Variants in TSC22D1 observed in about 807,000 individuals in gnomAD.
TSC22D1 encodes the protein TSC22 domain family protein 1.
A neutral mutation model predicts 74.2 loss-of-function variants in TSC22D1; 9 were observed. That is an observed-to-expected ratio of 0.12 (90% confidence interval 0.07 to 0.21). The LOEUF (loss-of-function observed/expected upper bound fraction) is 0.21, where lower values mean the gene tolerates loss of function less well. Ranked by LOEUF, TSC22D1 falls within the 10% of genes least tolerant of loss-of-function variation. The pLI, the probability that TSC22D1 is intolerant of heterozygous loss-of-function variation, is 1.00. For synonymous variants in TSC22D1, 586 were observed against 492.5 expected (o/e 1.19, Z -2.51); for missense variants, 1,427 against 1,304.7 (o/e 1.09, Z -1.44).
chr13:44,545,489 T>C (rs746357446), intron 1 of TSC22D1, among the ~76,000 whole-genome samples: 2 of 152,068 alleles, frequency 1.3e-5, no homozygotes, highest in African/African-American at 4.8e-5. Context: ...CCATTACTTT[T>C]ACCTCGCTAG....
intron 1 of TSC22D1, among the ~76,000 whole-genome samples, chr13:44,533,776 C>G (rs1169271897): frequency 2.6e-5 from 4 of 152,106 alleles, no homozygotes; most frequent in Non-Finnish European, 2.9e-5. Flanking sequence ...GAGCGAGACT[C>G]TTGTCTCCAG....
intron 1 of TSC22D1, among the ~76,000 whole-genome samples, chr13:44,517,819 G>GTATATA (rs767015949): frequency 3.3e-5 from 1 of 30,324 alleles, no homozygotes; most frequent in African/African-American, 1.2e-4. Context: ...ATATGTGTGT[G>GTATATA]TGTGTGTGTG....
At chr13:44,457,574 C>G (rs577150875) in intron 1 of TSC22D1, among the ~76,000 whole-genome samples, 2 of 121,674 alleles carry the variant, frequency 1.6e-5, no homozygotes, top group South Asian at 5.3e-4. Context: ...GCAAAAAGAG[C>G]AACCCCTAAA....
At chr13:44,475,888 T>C (rs1368627655) in intron 1 of TSC22D1, among the ~76,000 whole-genome samples, 1 of 152,072 alleles carries the variant, frequency 6.6e-6, no homozygotes, top group Non-Finnish European at 1.5e-5. Context: ...GTCCCTGCAA[T>C]GGCCAAAGGA....
intron 1 of TSC22D1, among the ~76,000 whole-genome samples, chr13:44,512,209 G>T (rs1024624666): frequency 6.6e-6 from 1 of 151,600 alleles, no homozygotes; most frequent in Non-Finnish European, 1.5e-5. Flanking sequence ...TTGCTCTTTC[G>T]CCCAGGCCGG....
intron 1 of TSC22D1, among the ~76,000 whole-genome samples, chr13:44,466,715 A>C (rs958347935): frequency 6.6e-6 from 1 of 152,084 alleles, no homozygotes; most frequent in Non-Finnish European, 1.5e-5. Flanking sequence ...GGCTGCAATG[A>C]GCTGAGATCA....
chr13:44,569,624 A>C (rs1883618598), intron 1 of TSC22D1, among the ~76,000 whole-genome samples: 1 of 152,246 alleles, frequency 6.6e-6, no homozygotes, highest in Non-Finnish European at 1.5e-5. Context: ...TAGGTAACAC[A>C]CATGCGTCTT....
chr13:44,473,785 A>G (rs889331370), intron 1 of TSC22D1, among the ~76,000 whole-genome samples: 3 of 152,192 alleles, frequency 2.0e-5, no homozygotes, highest in Admixed American at 1.3e-4. Flanking sequence ...TACAGCTAAC[A>G]TCATCTTTAA....
chr13:44,531,187 G>T (rs1246502355), intron 1 of TSC22D1, among the ~76,000 whole-genome samples: 4 of 152,166 alleles, frequency 2.6e-5, no homozygotes, highest in African/African-American at 4.8e-5. Flanking sequence ...ACACAAGATG[G>T]TAACAGGAAA....
chr13:44,435,957 G>T (rs1874575744), intron 2 of TSC22D1, 87 bp downstream of exon 2: 1 of 1,307,782 alleles, frequency 7.6e-7, no homozygotes, highest in Non-Finnish European at 1.1e-6. Context: ...ATCATCATCT[G>T]AACTTAGGGA....
Position 44,434,066 on chromosome 13 carries a change from T to C in TSC22D1, c.*560A>G, listed in dbSNP as rs1176236863. On this transcript the variant is annotated 3_prime_UTR_variant, in exon 3 of 3. Coordinates refer to ENST00000458659, the MANE Select transcript of TSC22D1 (RefSeq NM_183422.4). ...TTGTCACTCTCATAGTTTTGTGTCATCCATTGTTTGAGAAGAAAGAGGCAC... is the reference window on the plus strand; with the variant it reads ...TTGTCACTCTCATAGTTTTGTGTCACCCATTGTTTGAGAAGAAAGAGGCAC... The C allele has an allele frequency of 6.5e-7, 1 of 1,528,518 alleles. No homozygotes were observed. Among genetic ancestry groups the C allele is most frequent in the Non-Finnish European group, 8.7e-7 (1 of 1,145,288 alleles). The allele number at this position is 1,528,518 out of a possible 1,614,324, so 94.7% of individuals were successfully genotyped here.
intron 1 of TSC22D1, among the ~76,000 whole-genome samples, chr13:44,441,711 T>A (rs1030983790): frequency 6.6e-6 from 1 of 152,212 alleles, no homozygotes; most frequent in Non-Finnish European, 1.5e-5. Flanking sequence ...AGAACTGCTA[T>A]TTTTTTCTAT....
intron 1 of TSC22D1, among the ~76,000 whole-genome samples, chr13:44,497,682 A>G (rs1189518019): frequency 6.6e-6 from 1 of 152,162 alleles, no homozygotes; most frequent in African/African-American, 2.4e-5. Flanking sequence ...GGCAGATTCT[A>G]CTTCCACTTT....
chr13:44,525,183 A>C (rs990843358), intron 1 of TSC22D1, among the ~76,000 whole-genome samples: 1 of 152,306 alleles, frequency 6.6e-6, no homozygotes, highest in Non-Finnish European at 1.5e-5. Context: ...AAAAAACCTG[A>C]GCCTAATCAC....
rs548619456 is a variant in TSC22D1, at chr13:44,457,473, A to G, written c.2913-21378T>C. On this transcript the variant is annotated intron_variant, in intron 1 of 2. Coordinates refer to ENST00000458659, the MANE Select transcript of TSC22D1 (RefSeq NM_183422.4). The stretch of plus-strand genomic sequence containing the variant: ...GTGATGAGAACATGTGGTATCTCCC[A>G]AGCAACAGAAATAAAATTCATGTTG... Among the ~76,000 whole-genome samples the G allele has an allele frequency of 5.9e-5, 9 of 152,240 alleles. No homozygotes were observed. In the East Asian group the frequency reaches 1.7e-3, roughly 29 times the overall value.
At chr13:44,437,020 C>T (rs926351700) in intron 1 of TSC22D1, 2 of 977,314 alleles carry the variant, frequency 2.0e-6, no homozygotes, top group African/African-American at 3.5e-5. Flanking sequence ...AGATCCCGCT[C>T]GTGGGGTGGG....
At chr13:44,573,129 G>A in intron 1 of TSC22D1, 34 bp downstream of exon 1, 1 of 1,599,214 alleles carries the variant, frequency 6.3e-7, no homozygotes, top group Non-Finnish European at 8.5e-7. Context: ...CTTCAAATCT[G>A]TTGAATGTCT....
chr13:44,518,636 A>C (rs1466997203), intron 1 of TSC22D1, among the ~76,000 whole-genome samples: 1 of 152,250 alleles, frequency 6.6e-6, no homozygotes, highest in Non-Finnish European at 1.5e-5. Flanking sequence ...CTTCCAACAC[A>C]GGTGTGAGAA....
rs764582424 is a variant in TSC22D1 at position 44,573,281 on chromosome 13, T to G, written c.2794A>C (p.Ser932Arg). The G allele has an allele frequency of 4.3e-6, 7 of 1,614,138 alleles. No individual in the cohort carries two copies. The highest frequency in any genetic ancestry group is 1.3e-5 in the African/African-American group (1 of 74,950). ...VGLPQTISGD[S>R]GGMSAVSDGS... ...TCTGAAACTGCTGACATTCCCCCAC[T>G]GTCACCACTGATAGTCTGAGGTAAG... The change falls in exon 1 of 3, where the codon AGT becomes CGT. Residue 932 changes from serine (S) to arginine (R), a missense_variant. Ser to Arg is a moderately radical substitution (Grantham distance 110, BLOSUM62 -1). Coordinates refer to ENST00000458659, the MANE Select transcript of TSC22D1 (RefSeq NM_183422.4).
Sources: allele counts gnomAD v4.1 joint callset (sites outside exome capture counted in the v4.1 genomes callset), GRCh38; gene constraint gnomAD v4.1.1; transcripts MANE v1.5; gene names NCBI Gene and HGNC (gene_info 2026-07-23, HGNC 2026-07-21).